The following HCN3 variants were observed in gnomAD, a reference collection of about 807,000 sequenced individuals.
HCN3 encodes the protein hyperpolarization activated cyclic nucleotide gated potassium channel 3, also known as potassium/sodium hyperpolarization-activated cyclic nucleotide-gated channel 3.
In HCN3, 36 loss-of-function variants were observed where a neutral mutation model predicts 56.8. That is an observed-to-expected ratio of 0.63 (90% CI 0.49 to 0.84). The LOEUF is 0.84. Among genes scored for constraint, HCN3 ranks in the 40% least tolerant of loss-of-function variants. The pLI is 0.00. For missense variants in HCN3, 930 were observed against 1,079.3 expected (o/e 0.86, Z 1.94); for synonymous variants, 425 against 439.7 (o/e 0.97, Z 0.42).
At position 155,287,811 on chromosome 1, in the gene HCN3, G is replaced by T; in HGVS notation, c.1673G>T (p.Arg558Leu). The T allele has an allele frequency of 6.2e-7, 1 of 1,601,646 alleles. No individual in the cohort carries two copies. Among genetic ancestry groups the T allele is most frequent in the East Asian group, 2.2e-5 (1 of 44,628 alleles). ...AAGAATTCCATACTGCAGCGGAAGC[G>T]CTCCGAGCCAAGTCCAGGCAGCAGT... ...GKKNSILQRKRSEPSPGSSGG... is the reference protein window; with the variant it reads ...GKKNSILQRKLSEPSPGSSGG... Residue 558 changes from arginine (R) to leucine (L), a missense_variant, in exon 8 of 8, where the codon CGC becomes CTC. Arg to Leu is a moderately radical substitution (Grantham distance 102). Coordinates refer to ENST00000368358, the MANE Select transcript of HCN3 (RefSeq NM_020897.3).
At chr1:155,279,439 G>A (rs1673935228) in intron 1 of HCN3, among the ~76,000 whole-genome samples, 1 of 152,226 alleles carries the variant, frequency 6.6e-6, no homozygotes, top group Non-Finnish European at 1.5e-5. Flanking sequence ...AAGCCTTGCT[G>A]CTTCATGATC....
At chr1:155,287,064 C>T (rs1674312822) in intron 6 of HCN3, 109 bp from the exon 7 acceptor site, 2 of 1,290,814 alleles carry the variant, frequency 1.5e-6, no homozygotes, top group Non-Finnish European at 2.1e-6. Context: ...AATGGTTTCT[C>T]CCAAGTCTAG....
rs369748993 is a variant in HCN3, at chr1:155,288,266, C to T, written c.2128C>T (p.Arg710Cys). Residue 710 changes from arginine to cysteine, a missense_variant, in exon 8 of 8, where the codon CGC becomes TGC. By Grantham distance (180) the Arg-to-Cys change is radical. Coordinates refer to ENST00000368358, the MANE Select transcript of HCN3 (RefSeq NM_020897.3). The surrounding 1 kb of genome is among the most constrained non-coding windows in gnomAD (Gnocchi z 6.5). ...TGGACGGCGGCTAGGACCTCGGGGC[C>T]GCCCACTCTCAGCCTCCCAACCCTC... ...GGGRRLGPRGRPLSASQPSLP... is the reference protein window; with the variant it reads ...GGGRRLGPRGCPLSASQPSLP... 9.9e-5 allele frequency: 158 copies of T among 1,601,948 alleles called. 1 individual carries two copies. Among genetic ancestry groups the T allele is most frequent in the Non-Finnish European group, 1.3e-4 (148 of 1,176,530 alleles).
rs1381372227 is a variant in HCN3 at position 155,280,438 on chromosome 1, T to C, written c.279-1973T>C. On this transcript the variant is annotated intron_variant, in intron 1 of 7. Transcript: ENST00000368358. The stretch of plus-strand genomic sequence containing the variant: ...GTGCGCGCCACCACACCTGGCTAAT[T>C]TTTTTTTTTTTTTTTTGAGACGGAG... Among the ~76,000 whole-genome samples the C allele has an allele frequency of 1.6e-4, 23 of 142,714 alleles. No individual in the cohort carries two copies. The East Asian group carries it at 4.7e-3, about 29-fold the overall frequency. The allele number at this position is 142,714 out of a possible 152,430, so 93.6% of individuals were successfully genotyped here.
Position 155,282,839 on chromosome 1 carries a change from A to T in HCN3, c.707A>T (p.Glu236Val), listed in dbSNP as rs2148175664. The T allele has an allele frequency of 1.9e-6, 2 of 1,038,346 alleles. No individual in the cohort carries two copies. The highest frequency in any genetic ancestry group is 1.8e-4 in the East Asian group (2 of 11,310). The allele number at this position is 1,038,346 out of a possible 1,614,324, so 64.3% of individuals were successfully genotyped here. ...ATCCGCTACATACACCAGTGGGAGGAGGTGGGGTGGGGAGATGGCGGGCGG... is the reference window on the plus strand; with the variant it reads ...ATCCGCTACATACACCAGTGGGAGGTGGTGGGGTGGGGAGATGGCGGGCGG... Reference protein sequence around the residue: ...RLIRYIHQWEEIFHMTYDLAS... With the variant: ...RLIRYIHQWEVIFHMTYDLAS... The change falls in exon 2 of 8, where the codon GAG (glutamate) becomes GTG (valine). Residue 236 changes from glutamate (E) to valine (V), a missense_variant and splice_region_variant. Glu to Val is a moderately radical substitution (Grantham distance 121). Coordinates refer to ENST00000368358, the MANE Select transcript of HCN3 (RefSeq NM_020897.3). This position sits in a 1 kb window ranked among gnomAD's most constrained non-coding sequence, Gnocchi z 4.7.
chr1:155,288,057 C>T lies in HCN3; in HGVS notation c.1919C>T (p.Thr640Ile), dbSNP rs1189564063. 5.0e-6 allele frequency: 8 copies of T among 1,613,478 alleles called. No homozygotes were observed. In the East Asian group the frequency reaches 8.9e-5, roughly 18 times the overall value. The change falls in exon 8 of 8, where the codon ACC becomes ATC. Residue 640 changes from threonine to isoleucine, a missense_variant. Thr to Ile is a moderately conservative substitution (Grantham distance 89, BLOSUM62 -1). Coordinates refer to ENST00000368358, the MANE Select transcript of HCN3 (RefSeq NM_020897.3). This position sits in a 1 kb window ranked among gnomAD's most constrained non-coding sequence, Gnocchi z 6.5. ...CCCCTCTCCCCTGACTCTCCAGCCA[C>T]CCTCCTTGCTCGCTCTGCTTGGCGC... ...PLPLSPDSPA[T>I]LLARSAWRSA...
Position 155,282,536 on chromosome 1 carries a change from C to G in HCN3, c.404C>G (p.Thr135Ser), listed in dbSNP as rs1446018131. 6.2e-7 allele frequency: 1 copy of G among 1,614,270 alleles called. No homozygotes were observed. Among genetic ancestry groups the G allele is most frequent in the East Asian group, 2.2e-5 (1 of 44,888 alleles). Residue 135 changes from threonine (T) to serine (S), a missense_variant, in exon 2 of 8, where the codon ACT becomes AGT. Transcript: ENST00000368358. This position sits in a 1 kb window ranked among gnomAD's most constrained non-coding sequence, Gnocchi z 4.7. ...PWIVFNVLSD[T>S]FFLLDLVLNF... ...ATCGTCTTCAACGTATTGTCTGATACTTTCTTCCTACTGGATCTGGTGCTC... is the reference window on the plus strand; with the variant it reads ...ATCGTCTTCAACGTATTGTCTGATAGTTTCTTCCTACTGGATCTGGTGCTC...
At position 155,285,728 on chromosome 1, in the gene HCN3, T is replaced by A. The variant is rs770268384; in HGVS notation, c.1241T>A (p.Ile414Asn). 7.4e-6 allele frequency: 12 copies of A among 1,613,870 alleles called. No homozygotes were observed. The highest frequency in any genetic ancestry group is 8.5e-6 in the Non-Finnish European group (10 of 1,179,944). ...ACAGGCCCCTCCCCTGTCCAGGAGA[T>A]CATTAACTTCACCTGTCGGGGCCTG... The part of the protein sequence containing the change: ...GELSEPLREE[I>N]INFTCRGLVA... The change falls in exon 6 of 8, where the codon ATC (isoleucine) becomes AAC (asparagine). Residue 414 changes from isoleucine to asparagine, a missense_variant. Coordinates refer to ENST00000368358, the MANE Select transcript of HCN3 (RefSeq NM_020897.3). The surrounding 1 kb of genome is among the most constrained non-coding windows in gnomAD (Gnocchi z 4.5).
Position 155,285,800 on chromosome 1 carries a change from C to T in HCN3, c.1313C>T (p.Thr438Ile). The change falls in exon 6 of 8, where the codon ACT becomes ATT. Residue 438 changes from threonine to isoleucine, a missense_variant. Coordinates refer to ENST00000368358, the MANE Select transcript of HCN3 (RefSeq NM_020897.3). The surrounding 1 kb of genome is among the most constrained non-coding windows in gnomAD (Gnocchi z 4.5). ...LFAHADPSFVTAVLTKLRFEV... is the reference protein window; with the variant it reads ...LFAHADPSFVIAVLTKLRFEV... ...GCCCATGCCGACCCCAGCTTCGTCA[C>T]TGCAGTTCTCACCAAGCTGCGCTTT... The T allele has an allele frequency of 6.2e-7, 1 of 1,614,236 alleles. No individual in the cohort carries two copies. Among genetic ancestry groups the T allele is most frequent in the South Asian group, 1.1e-5 (1 of 91,086 alleles).
intron 1 of HCN3, among the ~76,000 whole-genome samples, chr1:155,280,587 C>G (rs1282026462): frequency 4.6e-5 from 7 of 151,718 alleles, no homozygotes; most frequent in African/African-American, 1.7e-4. Context: ...CGGGCGCCCG[C>G]CACCATGCCC....
intron 1 of HCN3, among the ~76,000 whole-genome samples, chr1:155,280,239 C>T (rs529198678): frequency 1.1e-4 from 16 of 150,062 alleles, no homozygotes; most frequent in African/African-American, 2.0e-4. Flanking sequence ...GCCACCACAC[C>T]GGCAAATTTT....
rs1674271414 is a variant in HCN3, at chr1:155,285,991, G to C, written c.1477+27G>C. On this transcript the variant is annotated intron_variant, in intron 6 of 7. Transcript: ENST00000368358. This position sits in a 1 kb window ranked among gnomAD's most constrained non-coding sequence, Gnocchi z 4.5. ...TCAGCAGGCCTCAGGGAGGGTGGCA[G>C]GGTCACGAGCAGACAGTGGAGAGGG... The C allele has an allele frequency of 3.2e-6, 5 of 1,555,750 alleles. No individual in the cohort carries two copies. The highest frequency in any genetic ancestry group is 1.4e-5 in the African/African-American group (1 of 73,862).
rs751769198 is a variant in HCN3 at position 155,277,842 on chromosome 1, G to T, written c.252G>T (p.Trp84Cys). 34 of 1,612,088 alleles carry T rather than the reference G, an allele frequency of 2.1e-5. No individual in the cohort carries two copies. Among genetic ancestry groups the T allele is most frequent in the Non-Finnish European group, 2.7e-5 (32 of 1,179,978 alleles). ...EQERVKSAGA[W>C]IIHPYSDFRF... Reference sequence around the variant, plus strand: ...AGCGGGTGAAGTCAGCGGGGGCCTGGATCATCCACCCCTACAGCGACTTCC... The same window carrying T: ...AGCGGGTGAAGTCAGCGGGGGCCTGTATCATCCACCCCTACAGCGACTTCC... Residue 84 changes from tryptophan to cysteine, a missense_variant, in exon 1 of 8, where the codon TGG becomes TGT. By Grantham distance (215) the Trp-to-Cys change is radical. Transcript: ENST00000368358.
rs1426776380 is a variant in HCN3 at position 155,277,749 on chromosome 1, C to G, written c.159C>G (p.Leu53=). The G allele has an allele frequency of 1.9e-6, 3 of 1,604,584 alleles. No individual in the cohort carries two copies. The highest frequency in any genetic ancestry group is 8.5e-7 in the Non-Finnish European group (1 of 1,175,922). ...EPKRRHLGTL[L]QPTVNKFSLR... is the part of the protein sequence containing the mutation. ...AGAGGAGGCACCTTGGGACGCTGCT[C>G]CAGCCTACGGTCAACAAGTTCTCCC... is the stretch of plus-strand genomic sequence containing the variant. The change falls in exon 1 of 8, where the codon CTC becomes CTG. Residue 53 remains leucine (L), a synonymous_variant. Coordinates refer to ENST00000368358, the MANE Select transcript of HCN3 (RefSeq NM_020897.3).
At position 155,284,625 on chromosome 1, in the gene HCN3, TG is replaced by T; in HGVS notation, c.958del (p.Val320Ter). 6.2e-7 allele frequency: 1 copy of T among 1,614,104 alleles called. No homozygotes were observed. The highest frequency in any genetic ancestry group is 2.2e-5 in the East Asian group (1 of 44,896). ...GCATTGGCTATGGGCAGCAGGCACC[TG>T]TAGGCATGCCCGACGTCTGGCTCAC... is the stretch of plus-strand genomic sequence containing the variant. Reference protein sequence around the residue: ...LCIGYGQQAPVGMPDVWLTML... With the variant: ...LCIGYGQQAPXGMPDVWLTML... On this transcript the variant is annotated frameshift_variant, in exon 4 of 8. Transcript: ENST00000368358. LOFTEE classifies it high-confidence loss of function. This position sits in a 1 kb window ranked among gnomAD's most constrained non-coding sequence, Gnocchi z 4.3.
At position 155,284,773 on chromosome 1, in the gene HCN3, A is replaced by T; in HGVS notation, c.1089+16A>T. ...CCAGGAGAAGGTCAGCAGGGACAGG[A>T]GAGGGAGGTGTGGCATGGAGGGGTG... is the stretch of plus-strand genomic sequence containing the variant. On this transcript the variant is annotated intron_variant, in intron 4 of 7. Transcript: ENST00000368358. The surrounding 1 kb of genome is among the most constrained non-coding windows in gnomAD (Gnocchi z 4.3). The T allele has an allele frequency of 6.2e-7, 1 of 1,603,012 alleles. No homozygotes were observed. The highest frequency in any genetic ancestry group is 8.5e-7 in the Non-Finnish European group (1 of 1,173,008).
chr1:155,285,626 C>G lies in HCN3; in HGVS notation c.1237-98C>G. 1.3e-6 allele frequency: 2 copies of G among 1,495,822 alleles called. No individual in the cohort carries two copies. The highest frequency in any genetic ancestry group is 1.4e-5 in the African/African-American group (1 of 72,630). 92.7% of individuals were successfully genotyped at this position (1,495,822 alleles called of 1,614,324 possible). ...GATGCCTCCCCATCCTTTGGCAGAA[C>G]ATGACCCCAGGGGTGGGGTTTCTGG... On this transcript the variant is annotated intron_variant, in intron 5 of 7. Coordinates refer to ENST00000368358, the MANE Select transcript of HCN3 (RefSeq NM_020897.3). This position sits in a 1 kb window ranked among gnomAD's most constrained non-coding sequence, Gnocchi z 4.5.
At chr1:155,283,562 C>T (rs1290326453) in intron 2 of HCN3, among the ~76,000 whole-genome samples, 2 of 120,720 alleles carry the variant, frequency 1.7e-5, no homozygotes, top group Non-Finnish European at 3.3e-5. Context: ...CCCCCTCCCC[C>T]CACCCATTAT....
At chr1:155,283,336 A>G (rs1188073832) in intron 2 of HCN3, among the ~76,000 whole-genome samples, 5 of 152,198 alleles carry the variant, frequency 3.3e-5, no homozygotes, top group Admixed American at 3.3e-4. Flanking sequence ...GAATTAATAC[A>G]TGCAAATCAC....
Sources: gnomAD v4.1 joint callset for allele counts (sites outside exome capture counted in the v4.1 genomes callset) on GRCh38, gnomAD v4.1.1 for gene constraint, Gnocchi (gnomAD v3.1) non-coding constraint, MANE v1.5 for transcripts, NCBI Gene and HGNC (gene_info 2026-07-23, HGNC 2026-07-21) for gene names.